The following TSPAN5 variants were observed in gnomAD, a reference collection of about 807,000 sequenced individuals.
The protein encoded by TSPAN5 is tetraspanin 5.
TSPAN5 carries 10 observed loss-of-function variants against 37.1 expected under a neutral mutation model. The observed-to-expected ratio is 0.27, with a 90% CI of 0.17 to 0.46. The LOEUF (loss-of-function observed/expected upper bound fraction) is 0.46, where lower values mean the gene tolerates loss of function less well. Ranked by LOEUF, TSPAN5 falls within the 20% of genes least tolerant of loss-of-function variation. The pLI, the probability that TSPAN5 is intolerant of heterozygous loss-of-function variation, is 1.00. For synonymous variants in TSPAN5, 110 were observed against 118.9 expected, an observed-to-expected ratio of 0.93 and a Z score of 0.48; for missense variants, 195 against 326.6, an observed-to-expected ratio of 0.60 and a Z score of 3.11.
intron 1 of TSPAN5, among the ~76,000 whole-genome samples, chr4:98,515,402 C>T (rs1753706487): frequency 6.6e-6 from 1 of 152,160 alleles, no homozygotes; most frequent in Non-Finnish European, 1.5e-5. Flanking sequence ...TGACACATTT[C>T]TCAACCTGCC....
chr4:98,562,308 A>T (rs1754897399), intron 1 of TSPAN5, among the ~76,000 whole-genome samples: 1 of 152,230 alleles, frequency 6.6e-6, no homozygotes, highest in African/African-American at 2.4e-5. Flanking sequence ...GCAATGGCCC[A>T]GGCCTCAGGA....
chr4:98,508,149 G>A (rs917762514), intron 1 of TSPAN5, among the ~76,000 whole-genome samples: 3 of 152,166 alleles, frequency 2.0e-5, no homozygotes, highest in African/African-American at 7.2e-5. Flanking sequence ...CATTACAAAT[G>A]GGCCAGGTCA....
intron 1 of TSPAN5, among the ~76,000 whole-genome samples, chr4:98,594,283 T>C (rs1755716151): frequency 8.3e-6 from 1 of 121,014 alleles, no homozygotes; most frequent in Non-Finnish European, 1.6e-5. Context: ...TTTTGTACAT[T>C]GATTTTGTAT....
intron 1 of TSPAN5, among the ~76,000 whole-genome samples, chr4:98,516,150 A>G (rs536492203): frequency 1.3e-5 from 2 of 152,308 alleles, no homozygotes; most frequent in African/African-American, 4.8e-5. Flanking sequence ...CCCCTTTCTG[A>G]AAACTGGCCC....
chr4:98,622,288 A>G (rs1756498647), intron 1 of TSPAN5, among the ~76,000 whole-genome samples: 1 of 152,098 alleles, frequency 6.6e-6, no homozygotes, highest in Non-Finnish European at 1.5e-5. Flanking sequence ...TGTTGCCCAG[A>G]CTGGTCTCGA....
intron 1 of TSPAN5, among the ~76,000 whole-genome samples, chr4:98,616,977 C>A (rs1327113351): frequency 6.6e-6 from 1 of 151,840 alleles, no homozygotes; most frequent in African/African-American, 2.4e-5. Context: ...GTGTGCACCA[C>A]CATGCCTGGC....
chr4:98,577,759 G>A (rs1755272649), intron 1 of TSPAN5, among the ~76,000 whole-genome samples: 1 of 152,144 alleles, frequency 6.6e-6, no homozygotes, highest in Non-Finnish European at 1.5e-5. Context: ...CTATTCACTG[G>A]CTGTGTCAAT....
At chr4:98,492,893 A>G (rs1261349557) in intron 2 of TSPAN5, among the ~76,000 whole-genome samples, 1 of 152,200 alleles carries the variant, frequency 6.6e-6, no homozygotes, top group African/African-American at 2.4e-5. Flanking sequence ...GAGTTTAAAT[A>G]CCAACTTTTA....
At chr4:98,553,735 G>A (rs1338790780) in intron 1 of TSPAN5, among the ~76,000 whole-genome samples, 1 of 152,102 alleles carries the variant, frequency 6.6e-6, no homozygotes. Context: ...CCAAACTTCA[G>A]ATTTCAGCTA....
chr4:98,562,131 T>A (rs1754894017), intron 1 of TSPAN5, among the ~76,000 whole-genome samples: 1 of 152,156 alleles, frequency 6.6e-6, no homozygotes, highest in Non-Finnish European at 1.5e-5. Context: ...GGGATGAGGT[T>A]ATAAATAAGG....
rs555648980 is a variant in TSPAN5, at chr4:98,472,673, A to AT, written c.742-87dup. 1,431 of 1,174,604 alleles carry AT rather than the reference A, an allele frequency of 1.2e-3. 1 individual carries two copies. Among genetic ancestry groups the AT allele is most frequent in the Non-Finnish European group, 1.6e-3 (1,279 of 812,872 alleles). The allele number at this position is 1,174,604 out of a possible 1,614,324, so 72.8% of individuals were successfully genotyped here. ...TGTGTCCCATTTTTTTAAATCATTG[A>AT]TTTTTGAAATTTAAGATGTAATTCA... On this transcript the variant is annotated intron_variant, in intron 7 of 7. Coordinates refer to ENST00000305798, the MANE Select transcript of TSPAN5 (RefSeq NM_005723.4).
chr4:98,581,276 A>T (rs925709099), intron 1 of TSPAN5, among the ~76,000 whole-genome samples: 1 of 152,164 alleles, frequency 6.6e-6, no homozygotes, highest in Non-Finnish European at 1.5e-5. Flanking sequence ...CCAATTGAGG[A>T]CCGGTGGCTT....
intron 2 of TSPAN5, among the ~76,000 whole-genome samples, chr4:98,502,703 G>C (rs1422817541): frequency 6.6e-6 from 1 of 152,140 alleles, no homozygotes; most frequent in African/African-American, 2.4e-5. Flanking sequence ...ATAGTCTGAT[G>C]TAATGACAAG....
At chr4:98,503,909 G>C (rs1445036609) in intron 2 of TSPAN5, among the ~76,000 whole-genome samples, 1 of 152,184 alleles carries the variant, frequency 6.6e-6, no homozygotes, top group African/African-American at 2.4e-5. Flanking sequence ...CTTCCAAACA[G>C]CAGATCCTAT....
At chr4:98,556,270 G>A (rs1365988463) in intron 1 of TSPAN5, among the ~76,000 whole-genome samples, 1 of 152,160 alleles carries the variant, frequency 6.6e-6, no homozygotes, top group Non-Finnish European at 1.5e-5. Context: ...ATGCTTTCCT[G>A]TCTCAGGAAG....
At chr4:98,473,680 C>T (rs11946306) in intron 7 of TSPAN5, among the ~76,000 whole-genome samples, 37,906 of 152,058 alleles carry the variant, frequency 0.25, 4,905 homozygotes, top group East Asian at 0.29. Flanking sequence ...AGGATGGTCT[C>T]GATCTCCTGA....
intron 1 of TSPAN5, among the ~76,000 whole-genome samples, chr4:98,546,696 AG>A (rs879325523): frequency 1.3e-5 from 2 of 151,378 alleles, no homozygotes; most frequent in Non-Finnish European, 1.5e-5. Context: ...TGAGGTGGGG[AG>A]AGAGAGAGAG....
chr4:98,601,358 TC>T (rs1755877459), intron 1 of TSPAN5, among the ~76,000 whole-genome samples: 1 of 152,244 alleles, frequency 6.6e-6, no homozygotes, highest in Non-Finnish European at 1.5e-5. Flanking sequence ...TTCATCTACA[TC>T]AGAAATTTGT....
chr4:98,616,584 T>G (rs1207222371), intron 1 of TSPAN5, among the ~76,000 whole-genome samples: 1 of 152,118 alleles, frequency 6.6e-6, no homozygotes, highest in Non-Finnish European at 1.5e-5. Flanking sequence ...AAGGGGAGCA[T>G]AGCGCACAGC....
Sources: allele counts gnomAD v4.1 joint callset (sites outside exome capture counted in the v4.1 genomes callset), GRCh38; gene constraint gnomAD v4.1.1; transcripts MANE v1.5; gene names NCBI Gene and HGNC (gene_info 2026-07-23, HGNC 2026-07-21).